The following MMP16 variants were observed in gnomAD, a reference collection of about 807,000 sequenced individuals.
The protein encoded by MMP16 is matrix metallopeptidase 16.
A neutral mutation model predicts 67.8 loss-of-function variants in MMP16; 12 were observed. The ratio of observed to expected loss-of-function variants is 0.18; its 90% CI spans 0.11 to 0.29. The LOEUF (loss-of-function observed/expected upper bound fraction) is 0.29. Among genes scored for constraint, MMP16 ranks in the 10% least tolerant of loss-of-function variants. The probability of loss-of-function intolerance (pLI) is 1.00; values close to 1 mark genes in which losing one functional copy is unlikely to be tolerated. For synonymous variants in MMP16, 249 were observed against 255.9 expected, an observed-to-expected ratio of 0.97 and a Z score of 0.26; for missense variants, 475 against 765.7, an observed-to-expected ratio of 0.62 and a Z score of 4.48.
chr8:88,219,983 G>A (rs894302652), intron 1 of MMP16, among the ~76,000 whole-genome samples: 7 of 151,934 alleles, frequency 4.6e-5, no homozygotes, highest in Admixed American at 1.3e-4. Flanking sequence ...TATTTATACC[G>A]CCTTTAATAA....
At chr8:88,103,841 C>T (rs1412805635) in intron 6 of MMP16, among the ~76,000 whole-genome samples, 2 of 151,752 alleles carry the variant, frequency 1.3e-5, no homozygotes, top group Non-Finnish European at 2.9e-5. Context: ...AAAACTGTTA[C>T]ATAAACAAAA....
At chr8:88,221,857 T>G (rs1809688116) in intron 1 of MMP16, among the ~76,000 whole-genome samples, 3 of 152,144 alleles carry the variant, frequency 2.0e-5, no homozygotes, top group African/African-American at 7.2e-5. Flanking sequence ...GAGACCTATA[T>G]GAAGTTGAAA....
intron 1 of MMP16, among the ~76,000 whole-genome samples, chr8:88,274,426 C>T (rs1422000394): frequency 5.9e-5 from 9 of 152,044 alleles, no homozygotes; most frequent in Admixed American, 5.9e-4. Flanking sequence ...CTCTCACTTA[C>T]CTTTAATACG....
Position 88,186,535 on chromosome 8 carries a change from A to C in MMP16, c.345T>G (p.Ile115Met). 1 of 1,612,276 alleles carries C rather than the reference A, an allele frequency of 6.2e-7. No individual in the cohort carries two copies. The highest frequency in any genetic ancestry group is 8.5e-7 in the Non-Finnish European group (1 of 1,179,584). Residue 115 changes from isoleucine (I) to methionine (M), a missense_variant, in exon 3 of 10, where the codon ATT (isoleucine) becomes ATG (methionine). Transcript: ENST00000286614. ...DQTRGSSKFH[I>M]RRKRYALTGQ... is the part of the protein sequence containing the mutation. ...CTGTCAATGCATATCGCTTTCGACG[A>C]ATATGAAATTTGGAGCTACCTCTTG...
At chr8:88,324,592 ATG>A in intron 1 of MMP16, among the ~76,000 whole-genome samples, 1 of 152,304 alleles carries the variant, frequency 6.6e-6, no homozygotes, top group Middle Eastern at 3.4e-3. Context: ...AGCTTCATGC[ATG>A]ACTGATATCA....
At chr8:88,253,005 G>T (rs1810249876) in intron 1 of MMP16, among the ~76,000 whole-genome samples, 2 of 152,054 alleles carry the variant, frequency 1.3e-5, no homozygotes, top group Admixed American at 1.3e-4. Context: ...GAAATAAAAA[G>T]CCTGATAGGA....
chr8:88,279,407 G>A (rs1008579656), intron 1 of MMP16, among the ~76,000 whole-genome samples: 5 of 152,074 alleles, frequency 3.3e-5, no homozygotes, highest in African/African-American at 9.7e-5. Flanking sequence ...TACATAGCTT[G>A]CATTCTATTT....
At chr8:88,244,270 T>C in intron 1 of MMP16, among the ~76,000 whole-genome samples, 1 of 152,250 alleles carries the variant, frequency 6.6e-6, no homozygotes. Context: ...AATTGGGAAA[T>C]ATAAAAATGT....
chr8:88,157,284 G>A (rs1808526235), intron 4 of MMP16, among the ~76,000 whole-genome samples: 1 of 151,932 alleles, frequency 6.6e-6, no homozygotes, highest in South Asian at 2.1e-4. Context: ...TATTTACATA[G>A]CATTTACCTT....
intron 1 of MMP16, among the ~76,000 whole-genome samples, chr8:88,247,664 G>A (rs1810135682): frequency 6.6e-6 from 1 of 152,046 alleles, no homozygotes. Flanking sequence ...GAAAACCCTG[G>A]AACAATTTTA....
chr8:88,305,333 CACAGCA>C (rs1362593159), intron 1 of MMP16, among the ~76,000 whole-genome samples: 27 of 152,284 alleles, frequency 1.8e-4, no homozygotes, highest in Admixed American at 8.5e-4. Context: ...TAGATGCCCA[CACAGCA>C]ATAGTGGGAG....
chr8:88,244,912 A>C (rs1458714584), intron 1 of MMP16, among the ~76,000 whole-genome samples: 1 of 152,124 alleles, frequency 6.6e-6, no homozygotes, highest in African/African-American at 2.4e-5. Context: ...GGCTGTCAAT[A>C]AATTTTGGGT....
intron 6 of MMP16, among the ~76,000 whole-genome samples, chr8:88,113,809 C>T (rs1809382761): frequency 6.6e-6 from 1 of 151,902 alleles, no homozygotes; most frequent in South Asian, 2.1e-4. Context: ...TGCAAGAAAC[C>T]CAAGTGTAGC....
chr8:88,249,932 G>T (rs886358561), intron 1 of MMP16, among the ~76,000 whole-genome samples: 5 of 152,146 alleles, frequency 3.3e-5, no homozygotes, highest in African/African-American at 9.6e-5. Flanking sequence ...TTTTCAACAA[G>T]AATTTTATGT....
chr8:88,049,446 G>C (rs760162887), intron 8 of MMP16, among the ~76,000 whole-genome samples: 18 of 152,094 alleles, frequency 1.2e-4, no homozygotes, highest in Non-Finnish European at 1.6e-4. Context: ...TCTCAGTGGG[G>C]TTTACAATAG....
intron 1 of MMP16, among the ~76,000 whole-genome samples, chr8:88,280,940 G>A (rs1012855907): frequency 1.3e-5 from 2 of 151,938 alleles, no homozygotes; most frequent in Non-Finnish European, 2.9e-5. Flanking sequence ...ATGATATCTT[G>A]CCCAATATTT....
chr8:88,073,152 T>C (rs1808589976), intron 7 of MMP16, among the ~76,000 whole-genome samples: 1 of 152,178 alleles, frequency 6.6e-6, no homozygotes, highest in African/African-American at 2.4e-5. Flanking sequence ...CTACTACTCA[T>C]GGGACGCAGG....
chr8:88,183,543 C>A (rs1308330351), intron 3 of MMP16, among the ~76,000 whole-genome samples: 1 of 151,998 alleles, frequency 6.6e-6, no homozygotes, highest in Admixed American at 6.6e-5. Flanking sequence ...ACTTCCTTTT[C>A]TTTCTTTACC....
chr8:88,148,855 G>A (rs117632084), intron 4 of MMP16, among the ~76,000 whole-genome samples: 8,257 of 152,212 alleles, frequency 0.054, 301 homozygotes, highest in South Asian at 0.11. Context: ...TTATGGGGAG[G>A]AGCCAAGATG....
Sources: gnomAD v4.1 joint callset for allele counts (sites outside exome capture counted in the v4.1 genomes callset) on GRCh38, gnomAD v4.1.1 for gene constraint, MANE v1.5 for transcripts, NCBI Gene and HGNC (gene_info 2026-07-23, HGNC 2026-07-21) for gene names.